The following RPH3A variants were observed in gnomAD, a reference collection of about 807,000 sequenced individuals.
RPH3A encodes rabphilin-3A.
A neutral mutation model predicts 102.2 loss-of-function variants in RPH3A; 48 were observed. The ratio of observed to expected loss-of-function variants is 0.47; its 90% CI spans 0.37 to 0.60. The LOEUF is 0.60. Ranked by LOEUF, RPH3A falls within the 20% of genes least tolerant of loss-of-function variation. The pLI, the probability that RPH3A is intolerant of heterozygous loss-of-function variation, is 0.00. For synonymous variants in RPH3A, 310 were observed against 324.3 expected (o/e 0.96, Z 0.47); for missense variants, 781 against 910.1 (o/e 0.86, Z 1.83).
At chr12:112,870,889 TA>T (rs1197525439) in intron 10 of RPH3A, among the ~76,000 whole-genome samples, 1 of 152,224 alleles carries the variant, frequency 6.6e-6, no homozygotes, top group African/African-American at 2.4e-5. Flanking sequence ...AGGAAGTATT[TA>T]TAGAGTGTTT....
At chr12:112,752,807 C>A (rs2040793761) in intron 1 of RPH3A, among the ~76,000 whole-genome samples, 1 of 151,902 alleles carries the variant, frequency 6.6e-6, no homozygotes, top group Non-Finnish European at 1.5e-5. Context: ...GCTTTATAGA[C>A]TTCCTTGCGA....
At position 112,631,470 on chromosome 12, in the gene RPH3A, G is replaced by C. The variant is rs532635748; in HGVS notation, c.-140+56151G>C. Reference sequence around the variant, plus strand: ...TAATTCCTCCAACTTTTTCTCAGAAGTTCAAACCCACTTTTAACAAAAAAG... The same window carrying C: ...TAATTCCTCCAACTTTTTCTCAGAACTTCAAACCCACTTTTAACAAAAAAG... On this transcript the variant is annotated intron_variant, in intron 1 of 21. Coordinates refer to the RPH3A transcript ENST00000543106. Among the ~76,000 whole-genome samples the C allele has an allele frequency of 5.3e-5, 8 of 152,068 alleles. No individual in the cohort carries two copies. The East Asian group carries it at 1.5e-3, about 29-fold the overall frequency.
intron 1 of RPH3A, among the ~76,000 whole-genome samples, chr12:112,700,242 T>C (rs2040383764): frequency 6.6e-6 from 1 of 152,150 alleles, no homozygotes; most frequent in African/African-American, 2.4e-5. Context: ...GCTAATTTTG[T>C]ATTTTTAGGA....
At chr12:112,868,314 T>C in intron 7 of RPH3A, 116 bp from the exon 8 acceptor site, 1 of 1,000,324 alleles carries the variant, frequency 1.0e-6, no homozygotes, top group Non-Finnish European at 1.5e-6. Flanking sequence ...AAAAGTGTGC[T>C]GGCTATTGTG....
At chr12:112,641,338 C>G (rs1228046810) in intron 1 of RPH3A, among the ~76,000 whole-genome samples, 1 of 152,180 alleles carries the variant, frequency 6.6e-6, no homozygotes. Flanking sequence ...GGATCAGAGA[C>G]AGTGTTAAAT....
chr12:112,866,407 C>T (rs1015856196), intron 6 of RPH3A, among the ~76,000 whole-genome samples: 1 of 151,878 alleles, frequency 6.6e-6, no homozygotes, highest in Non-Finnish European at 1.5e-5. Context: ...GTCTCAGGTC[C>T]GTTTTGGAAA....
At chr12:112,713,031 CTTCTTCTTCTTCTTCTTCTCCT>C (rs1565857332) in intron 1 of RPH3A, among the ~76,000 whole-genome samples, 3 of 77,138 alleles carry the variant, frequency 3.9e-5, no homozygotes, top group African/African-American at 2.1e-4. Flanking sequence ...TCCTCTTCTT[CTTCTTCTTCTTCTTCTTCTCCT>C]TCTTCTTCTT....
chr12:112,891,128 C>G (rs1233617935), intron 19 of RPH3A, 125 bp downstream of exon 19: 2 of 1,100,864 alleles, frequency 1.8e-6, no homozygotes, highest in African/African-American at 3.1e-5. Context: ...GGAACCTGCC[C>G]AAGGTCACAG....
At chr12:112,620,263 G>C (rs941715512) in intron 1 of RPH3A, among the ~76,000 whole-genome samples, 1 of 152,194 alleles carries the variant, frequency 6.6e-6, no homozygotes. Flanking sequence ...GCTTGGAGCT[G>C]AGCATACAGG....
chr12:112,674,150 T>G (rs1322884764), intron 1 of RPH3A, among the ~76,000 whole-genome samples: 1 of 152,152 alleles, frequency 6.6e-6, no homozygotes, highest in African/African-American at 2.4e-5. Flanking sequence ...CTCAAACTCC[T>G]GGTCACAAGC....
At position 112,869,943 on chromosome 12, in the gene RPH3A, C is replaced by T. The variant is rs145114678; in HGVS notation, c.700C>T (p.Arg234Cys). 43 of 1,613,996 alleles carry T rather than the reference C, an allele frequency of 2.7e-5. No individual in the cohort carries two copies. Among genetic ancestry groups the T allele is most frequent in the African/African-American group, 8.0e-5 (6 of 74,916 alleles). ...GCGAGGAAACTATGGGCCTCCCGTG[C>T]GCAGGGCCTCCGAGGCACGAATGAG... ...PGRGNYGPPV[R>C]RASEARMSSS... is the part of the protein sequence containing the mutation. The change falls in exon 10 of 22, where the codon CGC (arginine) becomes TGC (cysteine). Residue 234 changes from arginine (R) to cysteine (C), a missense_variant. Physicochemically the swap from Arg to Cys is radical, Grantham distance 180. Transcript: ENST00000389385.
At chr12:112,759,625 A>G (rs964861839) in intron 1 of RPH3A, among the ~76,000 whole-genome samples, 1 of 152,176 alleles carries the variant, frequency 6.6e-6, no homozygotes, top group African/African-American at 2.4e-5. Flanking sequence ...CTCACTTCAC[A>G]AAACTGCAGG....
chr12:112,848,395 G>T (rs1199844609), intron 5 of RPH3A, among the ~76,000 whole-genome samples: 2 of 152,196 alleles, frequency 1.3e-5, no homozygotes, highest in African/African-American at 4.8e-5. Flanking sequence ...CAGGCAGCAT[G>T]TGAGTGAGGA....
intron 9 of RPH3A, 35 bp from the exon 10 acceptor site, chr12:112,869,858 C>G: frequency 1.9e-6 from 3 of 1,614,096 alleles, no homozygotes; most frequent in Non-Finnish European, 2.5e-6. Context: ...TCCCTCGATG[C>G]CCTTTCTCTA....
At chr12:112,762,443 G>A (rs2040859966) in intron 1 of RPH3A, among the ~76,000 whole-genome samples, 1 of 152,096 alleles carries the variant, frequency 6.6e-6, no homozygotes. Flanking sequence ...AACTATTTGT[G>A]GTTCCCTGAA....
chr12:112,888,020 A>T (rs2043033785), intron 17 of RPH3A, 97 bp downstream of exon 17: 1 of 1,409,028 alleles, frequency 7.1e-7, no homozygotes, highest in Non-Finnish European at 9.7e-7. Context: ...TCCACGGGGT[A>T]TTGGGTAGCA....
intron 4 of RPH3A, among the ~76,000 whole-genome samples, chr12:112,845,301 T>A (rs1248698334): frequency 6.6e-6 from 1 of 152,100 alleles, no homozygotes; most frequent in Non-Finnish European, 1.5e-5. Flanking sequence ...CCAGACTCAA[T>A]CTCTCCCCTC....
chr12:112,619,209 G>T (rs1417117811), intron 1 of RPH3A, among the ~76,000 whole-genome samples: 1 of 147,220 alleles, frequency 6.8e-6, no homozygotes, highest in Non-Finnish European at 1.5e-5. Flanking sequence ...AGTTCTCTTG[G>T]GTATATACCC....
chr12:112,880,081 T>A (rs978103363), intron 14 of RPH3A, among the ~76,000 whole-genome samples: 1 of 152,242 alleles, frequency 6.6e-6, no homozygotes, highest in African/African-American at 2.4e-5. Flanking sequence ...TCAATTTGAA[T>A]GATAAATGAG....
Sources: gnomAD v4.1 joint callset for allele counts (sites outside exome capture counted in the v4.1 genomes callset) on GRCh38, gnomAD v4.1.1 for gene constraint, MANE v1.5 for transcripts, NCBI Gene and HGNC (gene_info 2026-07-23, HGNC 2026-07-21) for gene names.